The following PHTF1 variants were observed in gnomAD, a reference collection of about 807,000 sequenced individuals.
The protein encoded by PHTF1 is putative homeodomain transcription factor 1, also known as protein PHTF1.
Under a neutral mutation model 102.4 loss-of-function variants are expected in PHTF1, and 88 were observed. That is an observed-to-expected ratio of 0.86 (90% CI 0.72 to 1.03). The LOEUF is 1.03. Among genes scored for constraint, PHTF1 ranks in the 50% least tolerant of loss-of-function variants. The pLI is 0.00. For missense variants in PHTF1, 814 were observed against 909.5 expected, an observed-to-expected ratio of 0.89 and a Z score of 1.35; for synonymous variants, 289 against 305.2, an observed-to-expected ratio of 0.95 and a Z score of 0.55.
rs761823640 is a variant in PHTF1, at chr1:113,713,317, C to G, written c.745G>C (p.Glu249Gln). Residue 249 changes from glutamate (E) to glutamine (Q), a missense_variant, in exon 8 of 19, where the codon GAG becomes CAG. Coordinates refer to ENST00000369604, the MANE Select transcript of PHTF1 (RefSeq NM_001323043.2). Reference protein sequence around the residue: ...RPEIRMWQTREKAKFSDGEKC... With the variant: ...RPEIRMWQTRQKAKFSDGEKC... ...TCTCCATCTGAAAATTTTGCTTTCT[C>G]TCTTGTTTGCCACATTCTAATCTCT... 5 of 1,613,776 alleles carry G rather than the reference C, an allele frequency of 3.1e-6. No homozygotes were observed. Among genetic ancestry groups the G allele is most frequent in the Non-Finnish European group, 4.2e-6 (5 of 1,179,872 alleles).
chr1:113,754,538 T>G (rs1402068060), intron 3 of PHTF1, among the ~76,000 whole-genome samples: 3 of 152,222 alleles, frequency 2.0e-5, no homozygotes, highest in Non-Finnish European at 4.4e-5. Flanking sequence ...TTTCATTTTA[T>G]TTTTGGTATT....
chr1:113,749,386 T>A (rs562197939), intron 3 of PHTF1: 111 of 152,332 alleles, frequency 7.3e-4, no homozygotes, highest in African/African-American at 2.6e-3. Context: ...CTTTTCAGTA[T>A]CCTTAGGTTC....
intron 3 of PHTF1, among the ~76,000 whole-genome samples, chr1:113,751,308 TAG>T (rs767926979): frequency 2.0e-5 from 3 of 152,230 alleles, no homozygotes; most frequent in Non-Finnish European, 2.9e-5. Flanking sequence ...AGTAAATTTG[TAG>T]AGTTGTGCAA....
intron 3 of PHTF1, among the ~76,000 whole-genome samples, chr1:113,747,159 GT>G (rs1345556782): frequency 6.6e-6 from 1 of 152,128 alleles, no homozygotes; most frequent in Non-Finnish European, 1.5e-5. Flanking sequence ...CTGAACTATA[GT>G]TTTTTCCAAT....
At position 113,757,066 on chromosome 1, in the gene PHTF1, T is replaced by C. The variant is rs1658997902; in HGVS notation, c.102+633A>G. On this transcript the variant is annotated intron_variant, in intron 3 of 18. Coordinates refer to ENST00000369604, the MANE Select transcript of PHTF1 (RefSeq NM_001323043.2). ...CCTGTAGTCCCAGCTACTCTGGAGGTTGAGGCAGGAAAATGGCGTGAACCC... is the reference window on the plus strand; with the variant it reads ...CCTGTAGTCCCAGCTACTCTGGAGGCTGAGGCAGGAAAATGGCGTGAACCC... 2.0e-5 allele frequency among the ~76,000 whole-genome samples: 3 copies of C among 151,946 alleles called. No homozygotes were observed. In the South Asian group the frequency reaches 6.2e-4, roughly 32 times the overall value.
intron 5 of PHTF1, among the ~76,000 whole-genome samples, chr1:113,735,864 C>A (rs1023496975): frequency 3.9e-5 from 6 of 152,144 alleles, no homozygotes; most frequent in African/African-American, 1.2e-4. Context: ...TAATTCATAT[C>A]TTTTTGCAGA....
At chr1:113,757,111 G>A (rs563236256) in intron 3 of PHTF1, among the ~76,000 whole-genome samples, 1 of 152,224 alleles carries the variant, frequency 6.6e-6, no homozygotes, top group Non-Finnish European at 1.5e-5. Context: ...AGCTTGCAGT[G>A]GGCCAAGATC....
intron 8 of PHTF1, 123 bp downstream of exon 8, chr1:113,713,156 G>T (rs1571120975): frequency 1.3e-6 from 1 of 770,182 alleles, no homozygotes; most frequent in Non-Finnish European, 2.2e-6. Context: ...CATATCCTGT[G>T]GTTTTACTTG....
At chr1:113,713,558 T>G (rs1053429045) in intron 7 of PHTF1, 120 bp from the exon 8 acceptor site, 3 of 636,878 alleles carry the variant, frequency 4.7e-6, no homozygotes, top group Non-Finnish European at 8.1e-6. Flanking sequence ...AGGAATCATA[T>G]TTTTCAGGAC....
chr1:113,754,877 G>A (rs949727102), intron 3 of PHTF1, among the ~76,000 whole-genome samples: 1 of 152,030 alleles, frequency 6.6e-6, no homozygotes, highest in Non-Finnish European at 1.5e-5. Context: ...CTCTATCTAT[G>A]TACCTTATTC....
At chr1:113,740,055 A>T (rs1656120161) in intron 3 of PHTF1, among the ~76,000 whole-genome samples, 1 of 152,218 alleles carries the variant, frequency 6.6e-6, no homozygotes, top group African/African-American at 2.4e-5. Flanking sequence ...GAATGCAGAT[A>T]TCCCTTCGAC....
intron 18 of PHTF1, 144 bp from the exon 19 acceptor site, chr1:113,697,869 T>C (rs1235050409): frequency 3.2e-6 from 2 of 633,388 alleles, no homozygotes; most frequent in East Asian, 2.8e-5. Context: ...TAGAACATCA[T>C]AGAGAAAAAA....
intron 3 of PHTF1, among the ~76,000 whole-genome samples, chr1:113,745,903 C>T (rs1657165074): frequency 6.6e-6 from 1 of 152,100 alleles, no homozygotes; most frequent in Non-Finnish European, 1.5e-5. Context: ...ATAAAGTGTA[C>T]AATAATTGTA....
At chr1:113,721,078 C>A (rs1008226233) in intron 7 of PHTF1, among the ~76,000 whole-genome samples, 1 of 152,112 alleles carries the variant, frequency 6.6e-6, no homozygotes, top group African/African-American at 2.4e-5. Context: ...GCACTCAAGC[C>A]TGGGCAACAG....
At chr1:113,725,324 T>C (rs1653663537) in intron 6 of PHTF1, 2 of 152,566 alleles carry the variant, frequency 1.3e-5, no homozygotes, top group African/African-American at 4.8e-5. Context: ...AAAAGATATA[T>C]ACTATAGATA....
chr1:113,727,053 T>A (rs1224306775), intron 5 of PHTF1, among the ~76,000 whole-genome samples: 1 of 151,996 alleles, frequency 6.6e-6, no homozygotes, highest in Non-Finnish European at 1.5e-5. Flanking sequence ...TATATATATA[T>A]ATATATGAAA....
intron 17 of PHTF1, 147 bp from the exon 18 acceptor site, chr1:113,698,534 A>G: frequency 1.5e-6 from 1 of 648,640 alleles, no homozygotes; most frequent in Non-Finnish European, 2.6e-6. Context: ...AAAAATCCAT[A>G]ACGTGTTCTC....
chr1:113,751,364 A>G (rs915391239), intron 3 of PHTF1, among the ~76,000 whole-genome samples: 71 of 152,302 alleles, frequency 4.7e-4, no homozygotes, highest in Admixed American at 4.5e-3. Context: ...TCACCTCAAA[A>G]AGTTCCTTTC....
chr1:113,731,380 A>G (rs1230305513), intron 5 of PHTF1, among the ~76,000 whole-genome samples: 1 of 151,964 alleles, frequency 6.6e-6, no homozygotes, highest in African/African-American at 2.4e-5. Flanking sequence ...AAAATAAAAA[A>G]TAAAAAACAC....
Sources: gnomAD v4.1 joint callset for allele counts (sites outside exome capture counted in the v4.1 genomes callset) on GRCh38, gnomAD v4.1.1 for gene constraint, MANE v1.5 for transcripts, NCBI Gene and HGNC (gene_info 2026-07-23, HGNC 2026-07-21) for gene names.